Variants in ARAP2 observed in about 807,000 individuals in gnomAD.
ARAP2 encodes the protein arf-GAP with Rho-GAP domain, ANK repeat and PH domain-containing protein 2.
A neutral mutation model predicts 194.5 loss-of-function variants in ARAP2; 148 were observed. The ratio of observed to expected loss-of-function variants is 0.76; its 90% CI spans 0.67 to 0.87. ARAP2 has a LOEUF of 0.87. ARAP2 is among the 40% of genes least tolerant of loss of function. The pLI is 0.00. For synonymous variants in ARAP2, 695 were observed against 683.5 expected (o/e 1.02, Z -0.26); for missense variants, 2,128 against 1,989.7 (o/e 1.07, Z -1.32).
intron 6 of ARAP2, among the ~76,000 whole-genome samples, chr4:36,196,280 A>G (rs1165256802): frequency 3.5e-4 from 53 of 152,220 alleles, no homozygotes; most frequent in Admixed American, 3.5e-3. Context: ...CAGTTACTTA[A>G]TATTTGTGTC....
chr4:36,013,506 G>C (rs1256373729), intron 8 of ARAP2, among the ~76,000 whole-genome samples: 1 of 152,152 alleles, frequency 6.6e-6, no homozygotes, highest in Non-Finnish European at 1.5e-5. Context: ...AAAGAAAAGA[G>C]AGAATTATGG....
intron 27 of ARAP2, among the ~76,000 whole-genome samples, chr4:36,102,288 T>G (rs1171979319): frequency 6.6e-6 from 1 of 151,970 alleles, no homozygotes; most frequent in Non-Finnish European, 1.5e-5. Flanking sequence ...CTCCCTATCT[T>G]AATATCCCAG....
intron 9 of ARAP2, among the ~76,000 whole-genome samples, chr4:36,175,570 G>A (rs1578173508): frequency 6.6e-6 from 1 of 151,884 alleles, no homozygotes; most frequent in East Asian, 1.9e-4. Context: ...CTTAAGACCT[G>A]AATCTATATG....
Position 36,066,792 on chromosome 4 carries a change from A to C in ARAP2, c.*1115T>G, listed in dbSNP as rs1320875553. Reference sequence around the variant, plus strand: ...AGGGAAGAGACCACACCTTTACTTAAAAAAAGAAAAAAAAACCTAGATTAA... The same window carrying C: ...AGGGAAGAGACCACACCTTTACTTACAAAAAGAAAAAAAAACCTAGATTAA... On this transcript the variant is annotated 3_prime_UTR_variant, in exon 33 of 33. Transcript: ENST00000303965. The C allele has an allele frequency of 6.6e-6, 1 of 151,946 alleles. No individual in the cohort carries two copies. The highest frequency in any genetic ancestry group is 2.4e-5 in the African/African-American group (1 of 41,280). The allele number at this position is 151,946 out of a possible 1,614,324, so 9.4% of individuals were successfully genotyped here. A position where few individuals can be genotyped will look rare whatever the true frequency, so the allele number is the denominator to read the frequency against.
intron 1 of ARAP2, among the ~76,000 whole-genome samples, chr4:36,241,228 T>G (rs1753442615): frequency 6.6e-6 from 1 of 152,242 alleles, no homozygotes; most frequent in Middle Eastern, 3.2e-3. Context: ...AACAACCAGA[T>G]GTTTCAGAAT....
intron 5 of ARAP2, among the ~76,000 whole-genome samples, chr4:36,211,112 G>A (rs991872357): frequency 6.6e-6 from 1 of 151,966 alleles, no homozygotes; most frequent in East Asian, 1.9e-4. Flanking sequence ...GCAACATGAC[G>A]GACCATTAAC....
intron 1 of ARAP2, among the ~76,000 whole-genome samples, chr4:36,238,518 A>G (rs1560746563): frequency 6.6e-6 from 1 of 152,228 alleles, no homozygotes; most frequent in East Asian, 1.9e-4. Context: ...AGAGGTAGCA[A>G]AGACTTAATA....
At chr4:36,128,783 A>G in intron 20 of ARAP2, 38 bp from the exon 21 acceptor site, 2 of 1,495,318 alleles carry the variant, frequency 1.3e-6, no homozygotes, top group Non-Finnish European at 1.8e-6. Context: ...TTAAAAGTCT[A>G]AATTCAAAAG....
In ARAP2 at chr4:36,159,417, T is replaced by A. The variant is rs1733389069; in HGVS notation, c.2531A>T (p.Asp844Val). The part of the protein sequence containing the change: ...SGADVMCATG[D>V]PVHSTPYLLA... ...CAGATAGGGGGTGCTATGCACGGGGTCTCCGGTGGCACACATGACATCTGC... is the reference window on the plus strand; with the variant it reads ...CAGATAGGGGGTGCTATGCACGGGGACTCCGGTGGCACACATGACATCTGC... Residue 844 changes from aspartate (D) to valine (V), a missense_variant, in exon 14 of 33, where the codon GAC (aspartate) becomes GTC (valine). Coordinates refer to ENST00000303965, the MANE Select transcript of ARAP2 (RefSeq NM_015230.4). 1 of 1,611,824 alleles carries A rather than the reference T, an allele frequency of 6.2e-7. No homozygotes were observed. The highest frequency in any genetic ancestry group is 8.5e-7 in the Non-Finnish European group (1 of 1,178,562).
intron 23 of ARAP2, 28 bp downstream of exon 23, chr4:36,121,151 T>A: frequency 6.5e-7 from 1 of 1,529,366 alleles, no homozygotes; most frequent in Non-Finnish European, 8.9e-7. Flanking sequence ...ATAACCATTT[T>A]AACAAGGGCA....
At position 36,165,723 on chromosome 4, in the gene ARAP2, C is replaced by T. The variant is rs533741976; in HGVS notation, c.1974-610G>A. Reference sequence around the variant, plus strand: ...TGAATCTTAATGTTTACTGGGAACTCGAGTGAATGAATAAAAACATTAAAC... The same window carrying T: ...TGAATCTTAATGTTTACTGGGAACTTGAGTGAATGAATAAAAACATTAAAC... On this transcript the variant is annotated intron_variant, in intron 10 of 32. Transcript: ENST00000303965. Among the ~76,000 whole-genome samples the T allele has an allele frequency of 2.2e-3, 334 of 152,070 alleles. 3 individuals are homozygous for T. The highest frequency in any genetic ancestry group is 3.0e-3 in the Non-Finnish European group (203 of 67,968).
At chr4:36,129,864 C>T (rs998773758) in intron 20 of ARAP2, among the ~76,000 whole-genome samples, 2 of 151,524 alleles carry the variant, frequency 1.3e-5, no homozygotes, top group Non-Finnish European at 3.0e-5. Context: ...CACACCCATA[C>T]ATCTTATGGC....
At chr4:36,033,896 G>T (rs1201059196) in intron 5 of ARAP2, among the ~76,000 whole-genome samples, 1 of 151,986 alleles carries the variant, frequency 6.6e-6, no homozygotes, top group Non-Finnish European at 1.5e-5. Flanking sequence ...ACCATTTATT[G>T]AATAGGGACT....
Position 36,117,139 on chromosome 4 carries a change from G to C in ARAP2, c.3964-4C>G. 1 of 1,589,294 alleles carries C rather than the reference G, an allele frequency of 6.3e-7. No individual in the cohort carries two copies. The highest frequency in any genetic ancestry group is 8.6e-7 in the Non-Finnish European group (1 of 1,168,698). ...ACAAATCTCCAGCCTGGGAAACCTA[G>C]AAAAGGGCAGAGGTAGAAACAACAC... is the stretch of plus-strand genomic sequence containing the variant. On this transcript the variant is annotated splice_polypyrimidine_tract_variant and splice_region_variant and intron_variant, in intron 24 of 32. Coordinates refer to ENST00000303965, the MANE Select transcript of ARAP2 (RefSeq NM_015230.4).
intron 2 of ARAP2, among the ~76,000 whole-genome samples, chr4:36,219,888 T>C (rs1286227169): frequency 6.6e-6 from 1 of 152,160 alleles, no homozygotes; most frequent in Non-Finnish European, 1.5e-5. Flanking sequence ...CAAAATGAGC[T>C]AGACTAAAAA....
chr4:36,081,395 T>C (rs1729517603), intron 30 of ARAP2, among the ~76,000 whole-genome samples: 1 of 152,194 alleles, frequency 6.6e-6, no homozygotes, highest in African/African-American at 2.4e-5. Flanking sequence ...AGGGACCATG[T>C]ACATCACACA....
At chr4:36,142,190 C>G (rs1390146346) in intron 19 of ARAP2, among the ~76,000 whole-genome samples, 11 of 151,710 alleles carry the variant, frequency 7.3e-5, no homozygotes, top group Non-Finnish European at 1.5e-4. Context: ...CAACATCCCA[C>G]TACCACATGG....
Position 36,213,279 on chromosome 4 carries a change from T to C in ARAP2, c.1005A>G (p.Gly335=), listed in dbSNP as rs1366670858. Residue 335 remains glycine, a synonymous_variant, in exon 4 of 33, where the codon GGA becomes GGG. Transcript: ENST00000303965. Reference sequence around the variant, plus strand: ...CTAGTCTCTGGAAGAGAAAGGTCTCTCCATAAGGAAAGATGGAAGATGAAT... The same window carrying C: ...CTAGTCTCTGGAAGAGAAAGGTCTCCCCATAAGGAAAGATGGAAGATGAAT... ...EENSSSIFPY[G]ETFLFQRLEN... 1.9e-6 allele frequency: 3 copies of C among 1,608,544 alleles called. No homozygotes were observed. The highest frequency in any genetic ancestry group is 1.7e-5 in the Admixed American group (1 of 59,928).
Position 36,214,438 on chromosome 4 carries a change from T to G in ARAP2, c.948A>C (p.Lys316Asn), listed in dbSNP as rs756195096. ...ERRNVATSTE[K>N]SVAWQNSNEE... is the part of the protein sequence containing the mutation. ...TAGACTCACTTTGCCATGCCACAGA[T>G]TTTTCAGTTGAGGTAGCAACATTTC... The change falls in exon 3 of 33, where the codon AAA becomes AAC. Residue 316 changes from lysine (K) to asparagine (N), a missense_variant. By Grantham distance (94) the Lys-to-Asn change is moderately conservative (BLOSUM62 0). Transcript: ENST00000303965. 23 of 1,594,330 alleles carry G rather than the reference T, an allele frequency of 1.4e-5. No individual in the cohort carries two copies. The African/African-American group carries it at 2.2e-4, about 15-fold the overall frequency.
Sources: gnomAD v4.1 joint callset for allele counts (sites outside exome capture counted in the v4.1 genomes callset) on GRCh38, gnomAD v4.1.1 for gene constraint, MANE v1.5 for transcripts, NCBI Gene and HGNC (gene_info 2026-07-23, HGNC 2026-07-21) for gene names.